EVC2: variants seen among roughly 807,000 people sequenced by gnomAD.
The protein encoded by EVC2 is limbin.
In EVC2, 148 loss-of-function variants were observed where a neutral mutation model predicts 149.3. That is an observed-to-expected ratio of 0.99 (90% CI 0.87 to 1.14). EVC2 has a LOEUF of 1.14. EVC2 is among the 50% of genes most tolerant of loss of function. The pLI, the probability that EVC2 is intolerant of heterozygous loss-of-function variation, is 0.00. For synonymous variants in EVC2, 776 were observed against 649.9 expected (o/e 1.19, Z -2.95); for missense variants, 1,854 against 1,627.3 (o/e 1.14, Z -2.40).
rs761732269 is a variant in EVC2, at chr4:5,663,246, C to T, written c.1006G>A (p.Val336Ile). The change falls in exon 9 of 22, where the codon GTT becomes ATT. Residue 336 changes from valine (V) to isoleucine (I), a missense_variant and splice_region_variant. Physicochemically the swap from Val to Ile is conservative, Grantham distance 29 (BLOSUM62 3). Transcript: ENST00000344408. ...TCCAGCTTGCTCTCATACTGCCAAACCTTCAGGAGAATTGCGGAAATAATA... is the reference window on the plus strand; with the variant it reads ...TCCAGCTTGCTCTCATACTGCCAAATCTTCAGGAGAATTGCGGAAATAATA... Reference protein sequence around the residue: ...LKGNMLTRHRVWQYESKLEPL... With the variant: ...LKGNMLTRHRIWQYESKLEPL... 1.2e-6 allele frequency: 2 copies of T among 1,614,044 alleles called. No homozygotes were observed. Among genetic ancestry groups the T allele is most frequent in the South Asian group, 2.2e-5 (2 of 91,076 alleles).
chr4:5,703,116 C>A (rs1721932222), intron 1 of EVC2, among the ~76,000 whole-genome samples: 1 of 152,160 alleles, frequency 6.6e-6, no homozygotes, highest in Non-Finnish European at 1.5e-5. Flanking sequence ...TATAGCAAAA[C>A]CAATTTTACC....
chr4:5,578,328 G>A (rs572828304), intron 17 of EVC2, among the ~76,000 whole-genome samples: 16 of 152,240 alleles, frequency 1.1e-4, no homozygotes, highest in Non-Finnish European at 1.8e-4. Context: ...ACAGCAGCTG[G>A]CATTTACTGA....
At chr4:5,655,252 T>G (rs1718438519) in intron 9 of EVC2, among the ~76,000 whole-genome samples, 1 of 152,208 alleles carries the variant, frequency 6.6e-6, no homozygotes, top group South Asian at 2.1e-4. Flanking sequence ...AGGATCAGGT[T>G]TGAGGACAGG....
intron 18 of EVC2, among the ~76,000 whole-genome samples, chr4:5,575,609 C>T (rs1722879483): frequency 6.6e-6 from 1 of 152,242 alleles, no homozygotes; most frequent in African/African-American, 2.4e-5. Flanking sequence ...ATTAACCACG[C>T]TGTGTATAGA....
chr4:5,683,380 G>A (rs974131545), intron 6 of EVC2, among the ~76,000 whole-genome samples: 1 of 152,174 alleles, frequency 6.6e-6, no homozygotes, highest in South Asian at 2.1e-4. Context: ...CTTGTCTTCA[G>A]CTCTTTGTGA....
intron 6 of EVC2, among the ~76,000 whole-genome samples, chr4:5,684,614 C>T (rs1720568345): frequency 6.6e-6 from 1 of 152,126 alleles, no homozygotes; most frequent in South Asian, 2.1e-4. Context: ...AGCCAGCCAG[C>T]CAGCATTCAC....
chr4:5,576,593 T>C lies in EVC2; in HGVS notation c.3058-139A>G. 7.5e-6 allele frequency: 11 copies of C among 1,470,200 alleles called. No individual in the cohort carries two copies. Among genetic ancestry groups the C allele is most frequent in the Non-Finnish European group, 9.2e-6 (10 of 1,091,414 alleles). 91.1% of individuals were successfully genotyped at this position (1,470,200 alleles called of 1,614,324 possible). A position where few individuals can be genotyped will look rare whatever the true frequency, so the allele number is the denominator to read the frequency against. ...TGGTTCCCCATCCAGCTGTGCCACA[T>C]GGTGCAATGTGAGTGCACCACGATC... On this transcript the variant is annotated intron_variant, in intron 17 of 21. Coordinates refer to ENST00000344408, the MANE Select transcript of EVC2 (RefSeq NM_147127.5). The surrounding 1 kb of genome is among the most constrained non-coding windows in gnomAD (Gnocchi z 4.5).
intron 16 of EVC2, among the ~76,000 whole-genome samples, chr4:5,599,543 G>T (rs565356054): frequency 2.9e-4 from 44 of 152,270 alleles, no homozygotes; most frequent in African/African-American, 1.0e-3. Flanking sequence ...GACACAGGAA[G>T]GGGAACATCA....
intron 16 of EVC2, among the ~76,000 whole-genome samples, chr4:5,600,851 C>G (rs1008459906): frequency 2.0e-5 from 3 of 152,178 alleles, no homozygotes; most frequent in Admixed American, 6.5e-5. Context: ...ACTCTCTTCC[C>G]TACAACCAGC....
At chr4:5,700,612 C>T (rs1721762878) in intron 1 of EVC2, among the ~76,000 whole-genome samples, 1 of 152,188 alleles carries the variant, frequency 6.6e-6, no homozygotes, top group African/African-American at 2.4e-5. Flanking sequence ...GGCCAGGCCT[C>T]CCAGGGCAGT....
At chr4:5,581,304 A>G (rs1379603413) in intron 17 of EVC2, among the ~76,000 whole-genome samples, 1 of 152,140 alleles carries the variant, frequency 6.6e-6, no homozygotes, top group Non-Finnish European at 1.5e-5. Context: ...GCTCAGAAGA[A>G]GACACAAAGA....
chr4:5,604,236 A>T (rs1216368561), intron 16 of EVC2, among the ~76,000 whole-genome samples: 1 of 152,254 alleles, frequency 6.6e-6, no homozygotes, highest in Non-Finnish European at 1.5e-5. Flanking sequence ...TCACATATAC[A>T]GTGAAATGCT....
chr4:5,655,187 C>T (rs187088661), intron 9 of EVC2, among the ~76,000 whole-genome samples: 3 of 152,300 alleles, frequency 2.0e-5, no homozygotes, highest in African/African-American at 2.4e-5. Context: ...CATAAGAACC[C>T]CGTCATGTCA....
Position 5,679,085 on chromosome 4 carries a change from C to T in EVC2, c.870+2175G>A, listed in dbSNP as rs796497503. 1.3e-4 allele frequency among the ~76,000 whole-genome samples: 19 copies of T among 151,834 alleles called. No homozygotes were observed. The highest frequency in any genetic ancestry group is 4.1e-4 in the African/African-American group (17 of 41,420). ...TACAAAAGACAAAAAAAAAAATACACTCGTATAGGAAATGTATCATAACTC... is the reference window on the plus strand; with the variant it reads ...TACAAAAGACAAAAAAAAAAATACATTCGTATAGGAAATGTATCATAACTC... On this transcript the variant is annotated intron_variant, in intron 7 of 21. Coordinates refer to ENST00000344408, the MANE Select transcript of EVC2 (RefSeq NM_147127.5). The surrounding 1 kb of genome is among the most constrained non-coding windows in gnomAD (Gnocchi z 5.1).
intron 2 of EVC2, among the ~76,000 whole-genome samples, chr4:5,697,339 T>C (rs1360355805): frequency 2.6e-5 from 4 of 152,210 alleles, no homozygotes; most frequent in Admixed American, 6.5e-5. Context: ...TCTGTTTCAT[T>C]CACCAAATGC....
chr4:5,538,913 C>T (rs917567329), downstream of EVC2, among the ~76,000 whole-genome samples: 14 of 152,100 alleles, frequency 9.2e-5, no homozygotes, highest in Admixed American at 8.5e-4. Flanking sequence ...TCCGCTCTCA[C>T]CAACTCATTA....
chr4:5,558,048 T>C (rs1721870256), downstream of EVC2, among the ~76,000 whole-genome samples: 1 of 152,300 alleles, frequency 6.6e-6, no homozygotes, highest in Admixed American at 6.5e-5. Context: ...AAGTTATTTT[T>C]CAGATATTGA....
intron 1 of EVC2, among the ~76,000 whole-genome samples, chr4:5,702,130 G>C (rs1320959804): frequency 1.3e-5 from 2 of 152,160 alleles, no homozygotes; most frequent in African/African-American, 2.4e-5. Flanking sequence ...AACTGTCGGA[G>C]TCCTGGCCAG....
chr4:5,589,810 G>C (rs1415736859), intron 16 of EVC2, among the ~76,000 whole-genome samples: 1 of 152,136 alleles, frequency 6.6e-6, no homozygotes, highest in Non-Finnish European at 1.5e-5. Flanking sequence ...GTCCCTCATA[G>C]GGTTATTCTG....
Sources: gnomAD v4.1 joint callset for allele counts (sites outside exome capture counted in the v4.1 genomes callset) on GRCh38, gnomAD v4.1.1 for gene constraint, Gnocchi (gnomAD v3.1) non-coding constraint, MANE v1.5 for transcripts, NCBI Gene and HGNC (gene_info 2026-07-23, HGNC 2026-07-21) for gene names.